The following KANSL1 variants were observed in gnomAD, a reference collection of about 807,000 sequenced individuals.
The protein encoded by KANSL1 is MLL1/MLL complex subunit KANSL1.
In KANSL1, 22 loss-of-function variants were observed where a neutral mutation model predicts 103.6. The ratio of observed to expected loss-of-function variants is 0.21; its 90% confidence interval spans 0.15 to 0.30. KANSL1 has a LOEUF of 0.30. Among genes scored for constraint, KANSL1 ranks in the 10% least tolerant of loss-of-function variants. KANSL1 has a pLI of 1.00. For missense variants in KANSL1, 1,337 were observed against 1,399.8 expected (o/e 0.96, Z 0.72); for synonymous variants, 600 against 527.6 (o/e 1.14, Z -1.88).
At chr17:46,178,600 C>A (rs2046640014) in intron 1 of KANSL1, among the ~76,000 whole-genome samples, 1 of 152,204 alleles carries the variant, frequency 6.6e-6, no homozygotes, top group East Asian at 1.9e-4. Context: ...TATTCAAGGT[C>A]ATTTAGCTAT....
intron 7 of KANSL1, 103 bp downstream of exon 7, chr17:46,050,430 C>T: frequency 8.3e-7 from 1 of 1,211,440 alleles, no homozygotes; most frequent in Non-Finnish European, 1.1e-6. Context: ...AAAGTTGTAC[C>T]TTGAAAGTAT....
chr17:46,206,931 G>C (rs2047987780), intron 1 of KANSL1, among the ~76,000 whole-genome samples: 1 of 151,892 alleles, frequency 6.6e-6, no homozygotes, highest in Non-Finnish European at 1.5e-5. Flanking sequence ...CAAGGGATTT[G>C]TATCTAGTAT....
At chr17:46,196,451 G>A, upstream of KANSL1, 1 of 455,590 alleles carries the variant, frequency 2.2e-6, no homozygotes, top group South Asian at 1.6e-5. Flanking sequence ...TCCTAAAAAT[G>A]ATGGAGGAAA....
At chr17:46,092,363 C>T (rs922936341) in intron 3 of KANSL1, among the ~76,000 whole-genome samples, 1 of 152,114 alleles carries the variant, frequency 6.6e-6, no homozygotes, top group African/African-American at 2.4e-5. Flanking sequence ...AAAGCATGAA[C>T]CAAATGAGGT....
At chr17:46,188,272 C>CCT (rs1374978103) in intron 1 of KANSL1, among the ~76,000 whole-genome samples, 1 of 152,190 alleles carries the variant, frequency 6.6e-6, no homozygotes, top group Non-Finnish European at 1.5e-5. Context: ...CTTCTACAGC[C>CCT]ATAGTGTGGT....
At chr17:46,169,014 A>C (rs947741996) in intron 2 of KANSL1, among the ~76,000 whole-genome samples, 8 of 152,246 alleles carry the variant, frequency 5.3e-5, no homozygotes, top group Admixed American at 1.3e-4. Flanking sequence ...AAATGTTTTC[A>C]ATGCAACGTA....
chr17:46,052,621 C>CA (rs935222109), intron 6 of KANSL1, among the ~76,000 whole-genome samples: 25 of 145,970 alleles, frequency 1.7e-4, no homozygotes, highest in African/African-American at 5.4e-4. Context: ...AGCAAACAAA[C>CA]AAAAAAACAA....
At chr17:46,200,925 G>A (rs899948355) in intron 1 of KANSL1, among the ~76,000 whole-genome samples, 1 of 149,738 alleles carries the variant, frequency 6.7e-6, no homozygotes, top group African/African-American at 2.5e-5. Flanking sequence ...TTTTTTTTGA[G>A]ACACAGTCTC....
chr17:46,087,497 A>G (rs546668001), intron 3 of KANSL1, among the ~76,000 whole-genome samples: 1 of 152,354 alleles, frequency 6.6e-6, no homozygotes, highest in East Asian at 1.9e-4. Context: ...AGGTAGTGTG[A>G]AAACACAGTA....
intron 7 of KANSL1, among the ~76,000 whole-genome samples, chr17:46,047,038 G>A (rs924330061): frequency 6.6e-6 from 1 of 152,114 alleles, no homozygotes; most frequent in Admixed American, 6.5e-5. Flanking sequence ...TCCACTCATT[G>A]TGTTCAAGTT....
chr17:46,035,153 C>T (rs2077111855), intron 10 of KANSL1: 1 of 152,340 alleles, frequency 6.6e-6, no homozygotes, highest in South Asian at 2.1e-4. Flanking sequence ...ATAGTTAATA[C>T]CCTATCCTGA....
chr17:46,050,557 G>A lies in KANSL1; in HGVS notation c.1996C>T (p.His666Tyr). ...CCATCTGGAAATGCTAGAACAGGAT[G>A]AACACAAGAGTCCAACTGGGAAAGA... ...ERLSQLDSCV[H>Y]PVLAFPDDVP... is the part of the protein sequence containing the mutation. The change falls in exon 7 of 15, where the codon CAT (histidine) becomes TAT (tyrosine). Residue 666 changes from histidine (H) to tyrosine (Y), a missense_variant. Transcript: ENST00000432791. 3 of 1,614,200 alleles carry A rather than the reference G, an allele frequency of 1.9e-6. No homozygotes were observed. Among genetic ancestry groups the A allele is most frequent in the Non-Finnish European group, 2.5e-6 (3 of 1,180,028 alleles).
chr17:46,052,638 A>G (rs1181880681), intron 6 of KANSL1, among the ~76,000 whole-genome samples: 1 of 151,518 alleles, frequency 6.6e-6, no homozygotes, highest in East Asian at 1.9e-4. Context: ...ACAAAACAAC[A>G]ACAATAAAAA....
chr17:46,047,251 A>C (rs546679106), intron 7 of KANSL1, among the ~76,000 whole-genome samples: 7 of 152,366 alleles, frequency 4.6e-5, no homozygotes, highest in Admixed American at 4.6e-4. Context: ...CAGATGCAGA[A>C]CAGGGGATTA....
intron 2 of KANSL1, among the ~76,000 whole-genome samples, chr17:46,163,470 T>C (rs1486604037): frequency 2.0e-5 from 3 of 152,242 alleles, no homozygotes; most frequent in African/African-American, 7.2e-5. Flanking sequence ...TCAACCCATC[T>C]TCCTGTCTCA....
chr17:46,072,121 AC>A (rs1008238028), intron 4 of KANSL1, among the ~76,000 whole-genome samples: 2 of 152,168 alleles, frequency 1.3e-5, no homozygotes, highest in African/African-American at 4.8e-5. Flanking sequence ...AGTAAGCGTG[AC>A]AAAGAGGCCT....
chr17:46,210,962 G>A (rs1361859819), intron 1 of KANSL1, among the ~76,000 whole-genome samples: 2 of 152,096 alleles, frequency 1.3e-5, no homozygotes, highest in East Asian at 1.9e-4. Flanking sequence ...AGAAGGGCAC[G>A]CTTCAACTCA....
intron 2 of KANSL1, among the ~76,000 whole-genome samples, chr17:46,124,881 G>C (rs2043446122): frequency 6.6e-6 from 1 of 151,928 alleles, no homozygotes; most frequent in African/African-American, 2.4e-5. Flanking sequence ...AGTTGACTCT[G>C]ACTCTCATGG....
chr17:46,115,881 A>G (rs886503285), intron 2 of KANSL1, among the ~76,000 whole-genome samples: 5 of 152,268 alleles, frequency 3.3e-5, no homozygotes, highest in South Asian at 2.1e-4. Context: ...CAAATGCCAC[A>G]TAACTGCTGG....
Sources: allele counts gnomAD v4.1 joint callset (sites outside exome capture counted in the v4.1 genomes callset), GRCh38; gene constraint gnomAD v4.1.1; transcripts MANE v1.5; gene names NCBI Gene and HGNC (gene_info 2026-07-23, HGNC 2026-07-21).